NTN1: variants seen among roughly 807,000 people sequenced by gnomAD.
The protein encoded by NTN1 is netrin 1, also known as netrin-1.
A neutral mutation model predicts 54.2 loss-of-function variants in NTN1; 11 were observed. The observed-to-expected ratio is 0.20, with a 90% CI of 0.13 to 0.34. The LOEUF (loss-of-function observed/expected upper bound fraction) is 0.34. NTN1 is among the 10% of genes least tolerant of loss of function. The pLI is 1.00. For synonymous variants in NTN1, 371 were observed against 382.0 expected (o/e 0.97, Z 0.33); for missense variants, 740 against 893.1 (o/e 0.83, Z 2.18).
At chr17:9,080,713 A>G (rs1489410120) in intron 2 of NTN1, among the ~76,000 whole-genome samples, 4 of 152,128 alleles carry the variant, frequency 2.6e-5, no homozygotes, top group Non-Finnish European at 4.4e-5. Context: ...GTGAAGCAAG[A>G]GGGGTTGAAG....
intron 2 of NTN1, among the ~76,000 whole-genome samples, chr17:9,151,728 C>T (rs1218263101): frequency 6.6e-6 from 1 of 152,198 alleles, no homozygotes; most frequent in Non-Finnish European, 1.5e-5. Context: ...AGGCTGACCA[C>T]GGAGGGTCCC....
At chr17:9,011,417 G>C in the NTN1 span, among the ~76,000 whole-genome samples, 1 of 152,244 alleles carries the variant, frequency 6.6e-6, no homozygotes, top group Non-Finnish European at 1.5e-5. Flanking sequence ...TGTCTTGTCA[G>C]ATTTCCCTCT....
At chr17:9,038,799 T>A (rs1023573293) in intron 2 of NTN1, among the ~76,000 whole-genome samples, 5 of 152,128 alleles carry the variant, frequency 3.3e-5, no homozygotes, top group South Asian at 2.1e-4. Flanking sequence ...ATTCATTAAA[T>A]TTTTTTAAAC....
intron 5 of NTN1, among the ~76,000 whole-genome samples, chr17:9,217,154 C>CCCCCACTCA (rs1204082177): frequency 6.6e-6 from 1 of 152,186 alleles, no homozygotes; most frequent in Non-Finnish European, 1.5e-5. Context: ...GTCCCCACTG[C>CCCCCACTCA]CCCCACTCAC....
At chr17:9,223,218 C>T (rs1053663062) in intron 6 of NTN1, among the ~76,000 whole-genome samples, 9 of 152,174 alleles carry the variant, frequency 5.9e-5, no homozygotes, top group East Asian at 1.9e-4. Context: ...AAAGGAAGTG[C>T]GTCTCCAAGC....
intron 2 of NTN1, among the ~76,000 whole-genome samples, chr17:9,084,989 C>G (rs1049150891): frequency 1.3e-5 from 2 of 152,130 alleles, no homozygotes; most frequent in Non-Finnish European, 2.9e-5. Context: ...CTGATACTTG[C>G]AGCAATGAGA....
the NTN1 span, among the ~76,000 whole-genome samples, chr17:9,012,581 G>A: frequency 1.3e-5 from 2 of 149,660 alleles, no homozygotes; most frequent in Middle Eastern, 3.5e-3. Flanking sequence ...TGCACGTGCC[G>A]TTCCCTCTGC....
At position 9,180,184 on chromosome 17, in the gene NTN1, G is replaced by A. The variant is rs1247509561; in HGVS notation, c.1357+228G>A. On this transcript the variant is annotated intron_variant, in intron 4 of 6. Transcript: ENST00000173229. ...CTTCCAAGTAGCTGGAATTACAGGCGCAAGCCTTCATGCCCCGCTGATTTT... is the reference window on the plus strand; with the variant it reads ...CTTCCAAGTAGCTGGAATTACAGGCACAAGCCTTCATGCCCCGCTGATTTT... Among the ~76,000 whole-genome samples the A allele has an allele frequency of 1.1e-4, 16 of 152,218 alleles. 1 individual carries two copies. The South Asian group carries it at 2.1e-3, about 20-fold the overall frequency.
At position 9,185,603 on chromosome 17, in the gene NTN1, G is replaced by A. The variant is rs140117145; in HGVS notation, c.1411+2634G>A. Among the ~76,000 whole-genome samples, 350 of 151,712 alleles carry A rather than the reference G, an allele frequency of 2.3e-3. 4 individuals are homozygous for A. Among genetic ancestry groups the A allele is most frequent in the African/African-American group, 7.5e-3 (311 of 41,388 alleles). ...GTAGTGTCTGTGGGGGTCTGGGGCC[G>A]GGTAGGCCAGGAGGGAAACAGGGAG... On this transcript the variant is annotated intron_variant, in intron 5 of 6. Coordinates refer to ENST00000173229, the MANE Select transcript of NTN1 (RefSeq NM_004822.3).
At chr17:9,209,878 G>A (rs3785986) in intron 5 of NTN1, among the ~76,000 whole-genome samples, 63,362 of 151,802 alleles carry the variant, frequency 0.42, 14,541 homozygotes, top group East Asian at 0.65. Context: ...ACCATGGTAC[G>A]GAGTGGAGAG....
intron 5 of NTN1, among the ~76,000 whole-genome samples, chr17:9,193,933 A>AC (rs1567734889): frequency 9.3e-5 from 13 of 140,220 alleles, no homozygotes; most frequent in East Asian, 2.1e-4. Context: ...AAAAAAAAAA[A>AC]AAAAAAAAAA....
intron 2 of NTN1, among the ~76,000 whole-genome samples, chr17:9,149,111 G>A (rs2092320833): frequency 6.6e-6 from 1 of 152,044 alleles, no homozygotes; most frequent in Non-Finnish European, 1.5e-5. Flanking sequence ...TTAGTGACGG[G>A]AGCCATTACA....
At chr17:9,058,489 C>T (rs938824747) in intron 2 of NTN1, among the ~76,000 whole-genome samples, 21 of 151,424 alleles carry the variant, frequency 1.4e-4, no homozygotes, top group Non-Finnish European at 1.5e-5. Context: ...CCCCACATGG[C>T]CAAGTCTTAA....
At chr17:9,072,891 C>A (rs532382407) in intron 2 of NTN1, among the ~76,000 whole-genome samples, 1 of 152,336 alleles carries the variant, frequency 6.6e-6, no homozygotes, top group East Asian at 1.9e-4. Context: ...TTTTTCCTCT[C>A]ATTTCTGGCA....
chr17:9,044,592 A>G (rs1473971129), intron 2 of NTN1, among the ~76,000 whole-genome samples: 1 of 152,152 alleles, frequency 6.6e-6, no homozygotes, highest in African/African-American at 2.4e-5. Context: ...TCTCATGTGT[A>G]TGTAAGATCA....
At chr17:9,036,383 C>CTT (rs869283987) in intron 2 of NTN1, among the ~76,000 whole-genome samples, 13 of 107,220 alleles carry the variant, frequency 1.2e-4, no homozygotes, top group Non-Finnish European at 1.8e-4. Context: ...CGTCTCTTAT[C>CTT]TTTTTTTTTT....
chr17:9,159,716 G>A (rs576117656), intron 2 of NTN1, among the ~76,000 whole-genome samples: 11 of 152,108 alleles, frequency 7.2e-5, no homozygotes, highest in Non-Finnish European at 8.8e-5. Context: ...CAGGAGAATC[G>A]CGTGAACCTG....
chr17:9,200,736 C>T (rs11652513), intron 5 of NTN1, among the ~76,000 whole-genome samples: 30,221 of 152,156 alleles, frequency 0.2, 3,381 homozygotes, highest in East Asian at 0.36. Context: ...TTACCAAGAG[C>T]CTGGGCTAGG....
intron 2 of NTN1, among the ~76,000 whole-genome samples, chr17:9,089,448 G>A (rs920325846): frequency 1.3e-5 from 2 of 151,780 alleles, no homozygotes; most frequent in African/African-American, 2.4e-5. Flanking sequence ...ATATGTTTTG[G>A]CTATTCTCCA....
Sources: gnomAD v4.1 joint callset for allele counts (sites outside exome capture counted in the v4.1 genomes callset) on GRCh38, gnomAD v4.1.1 for gene constraint, MANE v1.5 for transcripts, NCBI Gene and HGNC (gene_info 2026-07-23, HGNC 2026-07-21) for gene names.